The following KIFC1 variants were observed in gnomAD, a reference collection of about 807,000 sequenced individuals.
KIFC1 encodes the protein kinesin-like protein KIFC1.
Under a neutral mutation model 66.6 loss-of-function variants are expected in KIFC1, and 37 were observed. That is an observed-to-expected ratio of 0.56 (90% CI 0.43 to 0.73). The LOEUF (loss-of-function observed/expected upper bound fraction) is 0.73. Among genes scored for constraint, KIFC1 ranks in the 30% least tolerant of loss-of-function variants. The pLI is 0.00. For synonymous variants in KIFC1, 325 were observed against 343.5 expected (o/e 0.95, Z 0.60); for missense variants, 721 against 859.8 (o/e 0.84, Z 2.02).
chr6:33,409,643 C>T lies in KIFC1; in HGVS notation c.1978-3C>T. ...TTTATCCTGTCTAACCCCCTGCCCC[C>T]AGGTGAACCAGTGTGTTATTGGTAC... On this transcript the variant is annotated splice_region_variant and splice_polypyrimidine_tract_variant and intron_variant, in intron 10 of 10. Transcript: ENST00000428849. 6.2e-7 allele frequency: 1 copy of T among 1,613,058 alleles called. No individual in the cohort carries two copies.
Position 33,398,366 on chromosome 6 carries a change from C to T in KIFC1, c.229C>T (p.Gln77Ter). 15 of 1,613,946 alleles carry T rather than the reference C, an allele frequency of 9.3e-6. No homozygotes were observed. Among genetic ancestry groups the T allele is most frequent in the Non-Finnish European group, 1.3e-5 (15 of 1,179,844 alleles). ...PRVPSLTTVP[Q>*]TQGQTTAQKV... Reference sequence around the variant, plus strand: ...AGTTCCATCCCTCACTACAGTGCCACAGACACAAGGCCAGACCACAGGTGG... The same window carrying T: ...AGTTCCATCCCTCACTACAGTGCCATAGACACAAGGCCAGACCACAGGTGG... The change falls in exon 3 of 11, where the codon CAG becomes TAG. Residue 77 changes from glutamine to a stop codon, truncating the protein, a stop_gained. Transcript: ENST00000428849. LOFTEE classifies it high-confidence loss of function.
Position 33,404,215 on chromosome 6 carries a change from T to C in KIFC1, c.756+86T>C. 7.4e-7 allele frequency: 1 copy of C among 1,359,292 alleles called. No homozygotes were observed. Among genetic ancestry groups the C allele is most frequent in the Non-Finnish European group, 1.0e-6 (1 of 991,530 alleles). 84.2% of individuals were successfully genotyped at this position (1,359,292 alleles called of 1,614,324 possible). ...CTCCCTTCCAGGTACCCCTCAAGTC[T>C]GGGCTGAGAACTCCTGAGCACCTAT... On this transcript the variant is annotated intron_variant, in intron 6 of 10. Coordinates refer to ENST00000428849, the MANE Select transcript of KIFC1 (RefSeq NM_002263.4). The surrounding 1 kb of genome is among the most constrained non-coding windows in gnomAD (Gnocchi z 4.0).
rs1388579396 is a variant in KIFC1, at chr6:33,400,362, C to G, written c.250+1975C>G. 13 of 1,594,580 alleles carry G rather than the reference C, an allele frequency of 8.2e-6. No individual in the cohort carries two copies. Among genetic ancestry groups the G allele is most frequent in the Non-Finnish European group, 1.1e-5 (13 of 1,173,126 alleles). ...CCACCTCAATCTGGGCCTGTCTGTT[C>G]TCAATGGTCAGTTTCACTGTAATCC... is the stretch of plus-strand genomic sequence containing the variant. On this transcript the variant is annotated intron_variant, in intron 3 of 10. Coordinates refer to ENST00000428849, the MANE Select transcript of KIFC1 (RefSeq NM_002263.4). This position sits in a 1 kb window ranked among gnomAD's most constrained non-coding sequence, Gnocchi z 4.3.
At position 33,405,349 on chromosome 6, in the gene KIFC1, C is replaced by T. The variant is rs771063250; in HGVS notation, c.1254C>T (p.Phe418=). 40 of 1,613,070 alleles carry T rather than the reference C, an allele frequency of 2.5e-5. No homozygotes were observed. The change falls in exon 7 of 11, where the codon TTC becomes TTT. Residue 418 remains phenylalanine, a synonymous_variant. Coordinates refer to ENST00000428849, the MANE Select transcript of KIFC1 (RefSeq NM_002263.4). This position sits in a 1 kb window ranked among gnomAD's most constrained non-coding sequence, Gnocchi z 5.4. ...GCCAGACAGGCAGTGGCAAGACCTT[C>T]ACAATGGAGGGTGGGCCTGGGGGAG... ...AYGQTGSGKT[F]TMEGGPGGDP...
intron 1 of KIFC1, among the ~76,000 whole-genome samples, chr6:33,397,577 T>TA (rs2151084779): frequency 6.6e-6 from 1 of 152,306 alleles, no homozygotes; most frequent in Non-Finnish European, 1.5e-5. Context: ...ATTACAGGCA[T>TA]AAGCCACTGC....
chr6:33,400,523 C>A lies in KIFC1; in HGVS notation c.250+2136C>A. 1.9e-6 allele frequency: 3 copies of A among 1,573,948 alleles called. No homozygotes were observed. Among genetic ancestry groups the A allele is most frequent in the Non-Finnish European group, 2.6e-6 (3 of 1,149,348 alleles). On this transcript the variant is annotated intron_variant, in intron 3 of 10. Coordinates refer to ENST00000428849, the MANE Select transcript of KIFC1 (RefSeq NM_002263.4). This position sits in a 1 kb window ranked among gnomAD's most constrained non-coding sequence, Gnocchi z 4.3. ...CCTCTGGTGCACCTCAGGTATACGA[C>A]CTTGATCTCGTTGGGGTCGAACTTC... is the stretch of plus-strand genomic sequence containing the variant.
chr6:33,391,905 G>T lies in KIFC1; in HGVS notation c.-81G>T. On this transcript the variant is annotated 5_prime_UTR_variant, in exon 1 of 11. Coordinates refer to ENST00000428849, the MANE Select transcript of KIFC1 (RefSeq NM_002263.4). ...TCTCTACCCTGCTTCGCGAGCGGGC[G>T]AGAGAACGCGAGTCCCAGGATCCCC... The T allele has an allele frequency of 6.4e-7, 1 of 1,556,338 alleles. No individual in the cohort carries two copies.
Position 33,404,990 on chromosome 6 carries a change from C to A in KIFC1, c.895C>A (p.Arg299=). 6.2e-7 allele frequency: 1 copy of A among 1,614,128 alleles called. No individual in the cohort carries two copies. The highest frequency in any genetic ancestry group is 1.3e-5 in the African/African-American group (1 of 75,026). The change falls in exon 7 of 11, where the codon CGA becomes AGA. Residue 299 remains arginine (R), a synonymous_variant. Transcript: ENST00000428849. The surrounding 1 kb of genome is among the most constrained non-coding windows in gnomAD (Gnocchi z 4.0). Reference sequence around the variant, plus strand: ...TCATGGGCTAGAAATGGAGCGCCGGCGACTGCACAACCAGCTGCAGGAACT... The same window carrying A: ...TCATGGGCTAGAAATGGAGCGCCGGAGACTGCACAACCAGCTGCAGGAACT... ...RLHGLEMERR[R]LHNQLQELKG...
At chr6:33,391,730 GT>G (rs1371096904), upstream of KIFC1, 4 of 604,148 alleles carry the variant, frequency 6.6e-6, no homozygotes, top group Non-Finnish European at 1.2e-5. Context: ...GTGGCTTCGG[GT>G]GGCGGAGAAC....
intron 3 of KIFC1, among the ~76,000 whole-genome samples, chr6:33,398,979 A>C (rs1372566098): frequency 5.9e-5 from 9 of 152,240 alleles, no homozygotes; most frequent in Non-Finnish European, 1.2e-4. Flanking sequence ...CATACTTTAG[A>C]CATGGTCCTG....
chr6:33,403,653 C>T lies in KIFC1; in HGVS notation c.356-76C>T. 1.3e-6 allele frequency: 2 copies of T among 1,580,698 alleles called. No homozygotes were observed. Among genetic ancestry groups the T allele is most frequent in the Non-Finnish European group, 1.7e-6 (2 of 1,151,528 alleles). ...AGGAGATGTAGCATCAGGTGTGGAT[C>T]CCATAAAGGCTAGAAGGGAGGAGGG... is the stretch of plus-strand genomic sequence containing the variant. On this transcript the variant is annotated intron_variant, in intron 5 of 10. Transcript: ENST00000428849. This position sits in a 1 kb window ranked among gnomAD's most constrained non-coding sequence, Gnocchi z 4.6.
Position 33,401,010 on chromosome 6 carries a change from A to G in KIFC1, c.251-2304A>G, listed in dbSNP as rs964194089. Among the ~76,000 whole-genome samples the G allele has an allele frequency of 1.3e-5, 2 of 152,114 alleles. No individual in the cohort carries two copies. Among genetic ancestry groups the G allele is most frequent in the African/African-American group, 4.8e-5 (2 of 41,432 alleles). ...ACAAACATTGTATAGCTTTACAGAA[A>G]TATTTTATTCCTTTATATCCTTATT... On this transcript the variant is annotated intron_variant, in intron 3 of 10. Coordinates refer to ENST00000428849, the MANE Select transcript of KIFC1 (RefSeq NM_002263.4). The surrounding 1 kb of genome is among the most constrained non-coding windows in gnomAD (Gnocchi z 4.5).
chr6:33,392,234 C>T (rs1269136279), intron 1 of KIFC1, among the ~76,000 whole-genome samples: 1 of 152,218 alleles, frequency 6.6e-6, no homozygotes, highest in African/African-American at 2.4e-5. Flanking sequence ...GTTTCTGGAG[C>T]CCCTCCCTTA....
chr6:33,393,194 G>C (rs1272807630), intron 1 of KIFC1, among the ~76,000 whole-genome samples: 1 of 152,128 alleles, frequency 6.6e-6, no homozygotes, highest in African/African-American at 2.4e-5. Flanking sequence ...GAATCTGCTA[G>C]AGCAGAGTCC....
At chr6:33,391,488 C>G (rs981613893), upstream of KIFC1, 1 of 182,098 alleles carries the variant, frequency 5.5e-6, no homozygotes, top group Non-Finnish European at 1.2e-5. Context: ...GCGTCCCCGC[C>G]CCTTCTCCTC....
intron 1 of KIFC1, 95 bp downstream of exon 1, chr6:33,392,092 G>C: frequency 2.1e-6 from 3 of 1,401,684 alleles, no homozygotes; most frequent in Non-Finnish European, 3.0e-6. Flanking sequence ...GTCGGCCTTT[G>C]TCATGTCTAC....
In KIFC1 at chr6:33,403,340, C is replaced by A. The variant is rs372839052; in HGVS notation, c.277C>A (p.Pro93Thr). Residue 93 changes from proline (P) to threonine (T), a missense_variant, in exon 4 of 11, where the codon CCC becomes ACC. Transcript: ENST00000428849. This position sits in a 1 kb window ranked among gnomAD's most constrained non-coding sequence, Gnocchi z 4.6. ...TCAAAAAGTTTCCAAGAAGACAGGACCCCGGTGTTCCACAGCTATTGCCAC... is the reference window on the plus strand; with the variant it reads ...TCAAAAAGTTTCCAAGAAGACAGGAACCCGGTGTTCCACAGCTATTGCCAC... The part of the protein sequence containing the change: ...TAQKVSKKTG[P>T]RCSTAIATGL... 6.2e-7 allele frequency: 1 copy of A among 1,613,710 alleles called. No individual in the cohort carries two copies. The highest frequency in any genetic ancestry group is 1.7e-5 in the Admixed American group (1 of 59,998).
chr6:33,395,280 C>T (rs544499900), intron 1 of KIFC1, among the ~76,000 whole-genome samples: 1 of 152,130 alleles, frequency 6.6e-6, no homozygotes, highest in African/African-American at 2.4e-5. Context: ...CTTTTAGTTT[C>T]GAAGAAATAA....
Position 33,409,705 on chromosome 6 carries a change from C to CTCTCTGTGTGTGTGTGTGTGTGTGTG in KIFC1, c.*16_*17insCTCTGTGTGTGTGTGTGTGTGTGTGT, listed in dbSNP as rs879041071. Reference sequence around the variant, plus strand: ...ACAGGAAGTGAAGACGGATCCAGATCTGTGTGTGTGTGTGTGTGTGTGTGT... The same window carrying CTCTCTGTGTGTGTGTGTGTGTGTGTG: ...ACAGGAAGTGAAGACGGATCCAGATCTCTCTGTGTGTGTGTGTGTGTGTGTGTGTGTGTGTGTGTGTGTGTGTGTGT... On this transcript the variant is annotated 3_prime_UTR_variant, in exon 11 of 11. Transcript: ENST00000428849. 1 of 1,107,600 alleles carries CTCTCTGTGTGTGTGTGTGTGTGTGTG rather than the reference C, an allele frequency of 9.0e-7. No homozygotes were observed. Among genetic ancestry groups the CTCTCTGTGTGTGTGTGTGTGTGTGTG allele is most frequent in the African/African-American group, 2.0e-5 (1 of 50,084 alleles). 68.6% of individuals were successfully genotyped at this position (1,107,600 alleles called of 1,614,324 possible). A position where few individuals can be genotyped will look rare whatever the true frequency, so the allele number is the denominator to read the frequency against.
Sources: allele counts gnomAD v4.1 joint callset (sites outside exome capture counted in the v4.1 genomes callset), GRCh38; gene constraint gnomAD v4.1.1; non-coding constraint Gnocchi (gnomAD v3.1); transcripts MANE v1.5; gene names NCBI Gene and HGNC (gene_info 2026-07-23, HGNC 2026-07-21).